ZNF790: variants seen among roughly 807,000 people sequenced by gnomAD.
ZNF790 encodes zinc finger protein 790.
In ZNF790, 8 loss-of-function variants were observed where a neutral mutation model predicts 12.1. The observed-to-expected ratio is 0.66, with a 90% confidence interval of 0.39 to 1.19. The LOEUF is 1.19. ZNF790 is among the 50% of genes most tolerant of loss of function. The pLI, the probability that ZNF790 is intolerant of heterozygous loss-of-function variation, is 0.01. For missense variants in ZNF790, 707 were observed against 752.2 expected (o/e 0.94, Z 0.70); for synonymous variants, 252 against 244.3 (o/e 1.03, Z -0.29).
intron 4 of ZNF790, among the ~76,000 whole-genome samples, chr19:36,820,811 A>C (rs980266340): frequency 6.6e-6 from 1 of 151,042 alleles, no homozygotes; most frequent in African/African-American, 2.4e-5. Flanking sequence ...TGGCAGCATC[A>C]CCTGAGCCTA....
upstream of ZNF790, among the ~76,000 whole-genome samples, chr19:36,843,067 A>T (rs2072144639): frequency 6.6e-6 from 1 of 151,978 alleles, no homozygotes; most frequent in Non-Finnish European, 1.5e-5. Context: ...CGTAGTCAAG[A>T]CTATAGATTG....
intron 1 of ZNF790, among the ~76,000 whole-genome samples, chr19:36,833,235 C>T (rs995693068): frequency 2.6e-5 from 4 of 152,164 alleles, no homozygotes; most frequent in East Asian, 1.9e-4. Context: ...TTCCGCCTCC[C>T]GGGTTCAAGT....
rs542350807 is a variant in ZNF790, at chr19:36,822,829, G to A, written c.229+456C>T. On this transcript the variant is annotated intron_variant, in intron 4 of 4. Coordinates refer to ENST00000356725, the MANE Select transcript of ZNF790 (RefSeq NM_206894.4). Reference sequence around the variant, plus strand: ...TGCTGCAATTACAGGCGTGAGCCACGGCACCCAGCCAGTTTTTGTTTTTGT... The same window carrying A: ...TGCTGCAATTACAGGCGTGAGCCACAGCACCCAGCCAGTTTTTGTTTTTGT... 4.0e-5 allele frequency among the ~76,000 whole-genome samples: 6 copies of A among 151,696 alleles called. No individual in the cohort carries two copies. The East Asian group carries it at 5.9e-4, about 15-fold the overall frequency.
At position 36,818,791 on chromosome 19, in the gene ZNF790, C is replaced by G; in HGVS notation, c.1553G>C (p.Gly518Ala). 6.2e-7 allele frequency: 1 copy of G among 1,610,512 alleles called. No individual in the cohort carries two copies. Among genetic ancestry groups the G allele is most frequent in the Non-Finnish European group, 8.5e-7 (1 of 1,178,446 alleles). The part of the protein sequence containing the change: ...CEECGKAFLW[G>A]SQLTRHQRMH... ...TCTCTGATGTCGAGTAAGTTGTGAA[C>G]CCCAGAGAAAGGCTTTTCCACATTC... The change falls in exon 5 of 5, where the codon GGT becomes GCT. Residue 518 changes from glycine to alanine, a missense_variant. Physicochemically the swap from Gly to Ala is moderately conservative, Grantham distance 60. Coordinates refer to ENST00000356725, the MANE Select transcript of ZNF790 (RefSeq NM_206894.4).
chr19:36,844,850 C>T (rs1044952047), intron 1 of ZNF790, among the ~76,000 whole-genome samples: 1 of 151,040 alleles, frequency 6.6e-6, no homozygotes, highest in East Asian at 1.9e-4. Flanking sequence ...AGATCGAGAC[C>T]ATCCCGGCTA....
chr19:36,822,840 A>AGTTTTT lies in ZNF790; in HGVS notation c.229+439_229+444dup, dbSNP rs554281932. On this transcript the variant is annotated intron_variant, in intron 4 of 4. Coordinates refer to ENST00000356725, the MANE Select transcript of ZNF790 (RefSeq NM_206894.4). ...CAGGCGTGAGCCACGGCACCCAGCCAGTTTTTGTTTTTGTTTTTGTTTTCC... is the reference window on the plus strand; with the variant it reads ...CAGGCGTGAGCCACGGCACCCAGCCAGTTTTTGTTTTTGTTTTTGTTTTTGTTTTCC... 5.2e-3 allele frequency among the ~76,000 whole-genome samples: 790 copies of AGTTTTT among 151,256 alleles called. 21 individuals carry two copies. The highest frequency in any genetic ancestry group is 0.039 in the Admixed American group (586 of 15,180).
chr19:36,849,696 C>G (rs2072223522), intron 1 of ZNF790, among the ~76,000 whole-genome samples: 1 of 152,018 alleles, frequency 6.6e-6, no homozygotes, highest in African/African-American at 2.4e-5. Flanking sequence ...GAAAATGAGA[C>G]TTGGAGGTTC....
At chr19:36,821,078 CA>C (rs955563328) in intron 4 of ZNF790, among the ~76,000 whole-genome samples, 2 of 140,342 alleles carry the variant, frequency 1.4e-5, no homozygotes, top group African/African-American at 5.3e-5. Flanking sequence ...TTAACAACAA[CA>C]AAAAAATAGT....
At position 36,819,481 on chromosome 19, in the gene ZNF790, C is replaced by G. The variant is rs2071618048; in HGVS notation, c.863G>C (p.Gly288Ala). The part of the protein sequence containing the change: ...GEKSYECKEC[G>A]KAFSCGSDLT... Reference sequence around the variant, plus strand: ...ATCTGAGCCACAACTAAAGGCCTTCCCACATTCCTTACATTCATAAGATTT... The same window carrying G: ...ATCTGAGCCACAACTAAAGGCCTTCGCACATTCCTTACATTCATAAGATTT... The change falls in exon 5 of 5, where the codon GGG becomes GCG. Residue 288 changes from glycine to alanine, a missense_variant. Physicochemically the swap from Gly to Ala is moderately conservative, Grantham distance 60. Transcript: ENST00000356725. 6.2e-7 allele frequency: 1 copy of G among 1,611,176 alleles called. No homozygotes were observed. The highest frequency in any genetic ancestry group is 1.3e-5 in the African/African-American group (1 of 74,776).
chr19:36,836,029 A>G (rs972608976), intron 1 of ZNF790, among the ~76,000 whole-genome samples: 1 of 152,032 alleles, frequency 6.6e-6, no homozygotes, highest in Non-Finnish European at 1.5e-5. Context: ...GGAAGTAAAC[A>G]TTGGTTGCAG....
chr19:36,840,297 C>G (rs1437840299), upstream of ZNF790, among the ~76,000 whole-genome samples: 2 of 152,084 alleles, frequency 1.3e-5, no homozygotes, highest in African/African-American at 4.8e-5. Flanking sequence ...TCTGATGATT[C>G]ACTGGGAGGC....
At chr19:36,847,982 A>G (rs893387622) in intron 1 of ZNF790, among the ~76,000 whole-genome samples, 4 of 152,152 alleles carry the variant, frequency 2.6e-5, no homozygotes, top group Admixed American at 6.5e-5. Context: ...TGGCATCTCA[A>G]TCTTGAACTT....
At chr19:36,834,231 G>A (rs1443447763) in intron 1 of ZNF790, among the ~76,000 whole-genome samples, 4 of 94,624 alleles carry the variant, frequency 4.2e-5, no homozygotes, top group South Asian at 3.6e-4. Context: ...CAACAAGAGC[G>A]AAACTCCATC....
chr19:36,829,177 A>G (rs1000703677), intron 1 of ZNF790, among the ~76,000 whole-genome samples: 7 of 152,218 alleles, frequency 4.6e-5, no homozygotes, highest in Admixed American at 1.3e-4. Context: ...GAACAATTCA[A>G]TGGTTCTTAG....
chr19:36,819,089 T>G lies in ZNF790; in HGVS notation c.1255A>C (p.Arg419=). 10 of 1,613,754 alleles carry G rather than the reference T, an allele frequency of 6.2e-6. No individual in the cohort carries two copies. Among genetic ancestry groups the G allele is most frequent in the South Asian group, 1.1e-5 (1 of 91,056 alleles). Reference sequence around the variant, plus strand: ...CATTGCTTACATTCATAAGGTTTCCTGCCAGTATGAATTCGCTGATGTCGA... The same window carrying G: ...CATTGCTTACATTCATAAGGTTTCCGGCCAGTATGAATTCGCTGATGTCGA... ...LARHQRIHTG[R]KPYECKQCGK... Residue 419 remains arginine, a synonymous_variant, in exon 5 of 5, where the codon AGG becomes CGG. Coordinates refer to ENST00000356725, the MANE Select transcript of ZNF790 (RefSeq NM_206894.4).
intron 1 of ZNF790, among the ~76,000 whole-genome samples, chr19:36,837,390 TGGG>T (rs2072067645): frequency 6.6e-6 from 1 of 152,148 alleles, no homozygotes; most frequent in Non-Finnish European, 1.5e-5. Context: ...CTCTTACCAG[TGGG>T]TCTGAAAATG....
intron 1 of ZNF790, among the ~76,000 whole-genome samples, chr19:36,825,990 T>C (rs1423120953): frequency 1.3e-5 from 2 of 152,214 alleles, no homozygotes; most frequent in Non-Finnish European, 2.9e-5. Flanking sequence ...AATTGTCTCA[T>C]TTAAAACATC....
chr19:36,844,815 G>A (rs923970554), intron 1 of ZNF790, among the ~76,000 whole-genome samples: 2 of 151,542 alleles, frequency 1.3e-5, no homozygotes, highest in African/African-American at 4.8e-5. Context: ...TTGGGAGGCC[G>A]AGGCGGGCGG....
intron 4 of ZNF790, among the ~76,000 whole-genome samples, chr19:36,821,272 G>A (rs2071665981): frequency 6.6e-6 from 1 of 152,004 alleles, no homozygotes; most frequent in Non-Finnish European, 1.5e-5. Flanking sequence ...TACAAAGTAT[G>A]AGCAGTAATG....
Sources: gnomAD v4.1 joint callset for allele counts (sites outside exome capture counted in the v4.1 genomes callset) on GRCh38, gnomAD v4.1.1 for gene constraint, MANE v1.5 for transcripts, NCBI Gene and HGNC (gene_info 2026-07-23, HGNC 2026-07-21) for gene names.